The following COL11A1 variants were observed in gnomAD, a reference collection of about 807,000 sequenced individuals.
COL11A1 encodes the protein collagen type XI alpha 1 chain, also known as collagen alpha-1(XI) chain.
A neutral mutation model predicts 265.2 loss-of-function variants in COL11A1; 74 were observed. The ratio of observed to expected loss-of-function variants is 0.28; its 90% CI spans 0.23 to 0.34. The LOEUF is 0.34. COL11A1 is among the 10% of genes least tolerant of loss of function. The pLI is 1.00. For synonymous variants in COL11A1, 816 were observed against 727.6 expected (o/e 1.12, Z -1.96); for missense variants, 2,165 against 2,263.6 (o/e 0.96, Z 0.88).
chr1:103,076,568 G>T (rs1003824024), intron 3 of COL11A1, among the ~76,000 whole-genome samples: 1 of 152,032 alleles, frequency 6.6e-6, no homozygotes, highest in Admixed American at 6.6e-5. Flanking sequence ...ACCCAGGCAG[G>T]ATTGTTCTTT....
intron 4 of COL11A1, among the ~76,000 whole-genome samples, chr1:103,071,564 CT>C (rs1335444150): frequency 2.3e-4 from 32 of 139,930 alleles, no homozygotes; most frequent in African/African-American, 8.2e-4. Flanking sequence ...GGTGTTACCT[CT>C]GTCTAGAGGG....
chr1:103,033,684 C>A (rs1668151444), intron 4 of COL11A1, among the ~76,000 whole-genome samples: 2 of 152,048 alleles, frequency 1.3e-5, no homozygotes, highest in Admixed American at 6.6e-5. Context: ...GATAACTGTA[C>A]CAGTGTTCTT....
chr1:102,996,006 C>T lies in COL11A1; in HGVS notation c.2278G>A (p.Gly760Ser). ...AACGTTACCTTTACTCCCCGGGGGCCCGGGTATCCAATAGGACCTTGTGGA... is the reference window on the plus strand; with the variant it reads ...AACGTTACCTTTACTCCCCGGGGGCTCGGGTATCCAATAGGACCTTGTGGA... Reference protein sequence around the residue: ...PGPQGPIGYPGPRGVKGADGV... With the variant: ...PGPQGPIGYPSPRGVKGADGV... The change falls in exon 27 of 67, where the codon GGC (glycine) becomes AGC (serine). Residue 760 changes from glycine (G) to serine (S), a missense_variant. Gly to Ser is a moderately conservative substitution (Grantham distance 56, BLOSUM62 0). Transcript: ENST00000370096. 6.2e-7 allele frequency: 1 copy of T among 1,613,276 alleles called. No individual in the cohort carries two copies.
intron 57 of COL11A1, among the ~76,000 whole-genome samples, chr1:102,894,383 A>T (rs1351109042): frequency 6.6e-6 from 1 of 152,034 alleles, no homozygotes; most frequent in African/African-American, 2.4e-5. Context: ...AAATGACAAA[A>T]ATTAGCCTGG....
At chr1:102,892,449 T>C (rs915381937) in intron 57 of COL11A1, among the ~76,000 whole-genome samples, 9 of 152,152 alleles carry the variant, frequency 5.9e-5, no homozygotes, top group African/African-American at 2.2e-4. Context: ...TATGATGTAC[T>C]AGGAAAAGTA....
At position 102,940,350 on chromosome 1, in the gene COL11A1, A is replaced by C. The variant is rs778937772; in HGVS notation, c.3361T>G (p.Ser1121Ala). Residue 1121 changes from serine to alanine, a missense_variant, in exon 43 of 67, where the codon TCC (serine) becomes GCC (alanine). By Grantham distance (99) the Ser-to-Ala change is moderately conservative. Transcript: ENST00000370096. ...ACCTTGTCTCCGTCTTCCCCAGGGG[A>C]GCCGGCAGGACCAGCTGGCCCTGGG... The part of the protein sequence containing the change: ...GLPGPAGPAG[S>A]PGEDGDKGEI... The C allele has an allele frequency of 1.9e-6, 3 of 1,613,858 alleles. No homozygotes were observed. In the Admixed American group the frequency reaches 5.0e-5, roughly 27 times the overall value.
intron 46 of COL11A1, among the ~76,000 whole-genome samples, chr1:102,931,900 G>T (rs1443094950): frequency 6.6e-6 from 1 of 151,374 alleles, no homozygotes; most frequent in African/African-American, 2.4e-5. Flanking sequence ...TTTTATCAGA[G>T]ACTAGGATTG....
intron 14 of COL11A1, among the ~76,000 whole-genome samples, chr1:103,009,588 ATGG>A (rs1665934125): frequency 6.6e-6 from 1 of 152,186 alleles, no homozygotes; most frequent in African/African-American, 2.4e-5. Flanking sequence ...AAAAATAAAC[ATGG>A]TGATTATAGT....
rs1374822237 is a variant in COL11A1, at chr1:102,997,185, G to A, written c.2197-61C>T. 54 of 1,347,934 alleles carry A rather than the reference G, an allele frequency of 4.0e-5. 1 individual carries two copies. The Middle Eastern group carries it at 5.4e-4, about 13-fold the overall frequency. 83.5% of individuals were successfully genotyped at this position (1,347,934 alleles called of 1,614,324 possible). A position where few individuals can be genotyped will look rare whatever the true frequency, so the allele number is the denominator to read the frequency against. On this transcript the variant is annotated intron_variant, in intron 25 of 66. Transcript: ENST00000370096. The stretch of plus-strand genomic sequence containing the variant: ...ATATAAACATAGTTGATAATACTAC[G>A]AAAGTATTTCTTTTGTTATTAAATC...
intron 44 of COL11A1, 147 bp from the exon 45 acceptor site, chr1:102,935,260 C>T (rs1283687591): frequency 1.5e-6 from 1 of 659,282 alleles, no homozygotes; most frequent in South Asian, 1.8e-5. Context: ...TTTGCATTTA[C>T]TGCAATCATT....
At chr1:103,098,511 T>C (rs1673971510) in intron 1 of COL11A1, among the ~76,000 whole-genome samples, 1 of 151,878 alleles carries the variant, frequency 6.6e-6, no homozygotes, top group African/African-American at 2.4e-5. Flanking sequence ...ATAATTATGA[T>C]ACTAAGCCAC....
chr1:102,933,200 G>GT (rs59894331), intron 46 of COL11A1, among the ~76,000 whole-genome samples: 2,340 of 144,224 alleles, frequency 0.016, 57 homozygotes, highest in African/African-American at 0.057. Context: ...TTTCTGTTCT[G>GT]TTTTTTCCCC....
chr1:102,998,631 G>C (rs1664849911), intron 24 of COL11A1, among the ~76,000 whole-genome samples: 1 of 151,602 alleles, frequency 6.6e-6, no homozygotes, highest in African/African-American at 2.4e-5. Flanking sequence ...ATTAGTTTTT[G>C]AATACCACAA....
At chr1:103,060,960 T>C (rs572472510) in intron 4 of COL11A1, among the ~76,000 whole-genome samples, 6 of 151,156 alleles carry the variant, frequency 4.0e-5, no homozygotes, top group African/African-American at 1.5e-4. Flanking sequence ...TAAAGACAGG[T>C]TGTCAGAGTG....
chr1:102,989,412 A>G (rs1570958214), intron 29 of COL11A1, 106 bp downstream of exon 29: 1 of 635,906 alleles, frequency 1.6e-6, no homozygotes, highest in East Asian at 3.3e-5. Context: ...TAGGTAGTAC[A>G]AACATTTTAT....
chr1:102,887,824 C>T (rs941449152), intron 62 of COL11A1, among the ~76,000 whole-genome samples: 4 of 151,882 alleles, frequency 2.6e-5, no homozygotes, highest in Non-Finnish European at 4.4e-5. Flanking sequence ...ACAGATACAC[C>T]CAAAGAGGGA....
intron 42 of COL11A1, 50 bp downstream of exon 42, chr1:102,946,799 A>C (rs554910389): frequency 7.2e-7 from 1 of 1,389,116 alleles, no homozygotes; most frequent in African/African-American, 1.4e-5. Context: ...AAAAAGTAAT[A>C]ACGTGTACAG....
intron 5 of COL11A1, among the ~76,000 whole-genome samples, chr1:103,027,262 T>C (rs1408098868): frequency 6.0e-5 from 9 of 150,388 alleles, no homozygotes; most frequent in Admixed American, 6.0e-4. Context: ...TCAATATCTT[T>C]ATAAAAATTT....
chr1:103,101,432 A>G (rs1674263252), intron 1 of COL11A1, among the ~76,000 whole-genome samples: 1 of 151,994 alleles, frequency 6.6e-6, no homozygotes, highest in Non-Finnish European at 1.5e-5. Context: ...GTGCAGAGCT[A>G]CCTAAGAGCA....
Sources: allele counts gnomAD v4.1 joint callset (sites outside exome capture counted in the v4.1 genomes callset), GRCh38; gene constraint gnomAD v4.1.1; transcripts MANE v1.5; gene names NCBI Gene and HGNC (gene_info 2026-07-23, HGNC 2026-07-21).